Variants in FMN1 observed in about 807,000 individuals in gnomAD.
FMN1 encodes formin-1.
A neutral mutation model predicts 132.4 loss-of-function variants in FMN1; 110 were observed. The ratio of observed to expected loss-of-function variants is 0.83; its 90% confidence interval spans 0.71 to 0.97. FMN1 has a LOEUF of 0.97. FMN1 is among the 50% of genes least tolerant of loss of function. The pLI is 0.00. For missense variants in FMN1, 1,792 were observed against 1,705.3 expected, an observed-to-expected ratio of 1.05 and a Z score of -0.90; for synonymous variants, 722 against 651.7, an observed-to-expected ratio of 1.11 and a Z score of -1.64.
intron 13 of FMN1, 136 bp downstream of exon 13, chr15:32,901,775 A>T (rs1329672438): frequency 1.7e-6 from 1 of 604,502 alleles, no homozygotes; most frequent in East Asian, 3.1e-5. Flanking sequence ...GGGCAAGATA[A>T]TCATCAAATT....
At chr15:32,838,882 C>T (rs1340890248) in intron 17 of FMN1, among the ~76,000 whole-genome samples, 1 of 152,188 alleles carries the variant, frequency 6.6e-6, no homozygotes, top group African/African-American at 2.4e-5. Context: ...GAGAGCCCAG[C>T]AGTCCCCATT....
chr15:32,961,692 G>A (rs919929435), intron 9 of FMN1, among the ~76,000 whole-genome samples: 4 of 152,296 alleles, frequency 2.6e-5, no homozygotes, highest in African/African-American at 9.6e-5. Context: ...ACTATGCTGA[G>A]CCTGATACAT....
intron 4 of FMN1, among the ~76,000 whole-genome samples, chr15:33,120,651 C>G (rs1357236568): frequency 6.6e-6 from 1 of 152,010 alleles, no homozygotes; most frequent in Non-Finnish European, 1.5e-5. Context: ...TCTGGTATTC[C>G]TGGATCATTG....
chr15:33,128,771 T>A (rs568593511), intron 4 of FMN1, among the ~76,000 whole-genome samples: 2 of 152,216 alleles, frequency 1.3e-5, no homozygotes, highest in Non-Finnish European at 2.9e-5. Context: ...AAAAGTGGTA[T>A]GGACCCAAAC....
Position 32,766,294 on chromosome 15 carries a change from T to C in FMN1, c.*8016A>G, listed in dbSNP as rs1331455323. 2 of 152,230 alleles carry C rather than the reference T, an allele frequency of 1.3e-5. No individual in the cohort carries two copies. Among genetic ancestry groups the C allele is most frequent in the African/African-American group, 4.8e-5 (2 of 41,448 alleles). 9.4% of individuals were successfully genotyped at this position (152,230 alleles called of 1,614,324 possible). A position where few individuals can be genotyped will look rare whatever the true frequency, so the allele number is the denominator to read the frequency against. On this transcript the variant is annotated 3_prime_UTR_variant, in exon 21 of 21. Transcript: ENST00000616417. ...CTGATTCAGAACAGGGGTAGATGTT[T>C]GAATCATGAATAGTAGTAAGAATGG...
chr15:33,074,534 T>C (rs1428845312), intron 5 of FMN1, among the ~76,000 whole-genome samples: 4 of 152,222 alleles, frequency 2.6e-5, no homozygotes, highest in Non-Finnish European at 4.4e-5. Context: ...GTAAAATATT[T>C]ATAAGACTGG....
rs759047754 is a variant in FMN1 at position 32,964,261 on chromosome 15, A to G, written c.2988-4T>C. ...TAAGGTTGGTGTAGCATTTTGGCTTAAAAGAGAAAATGACAAGTTAACCAT... is the reference window on the plus strand; with the variant it reads ...TAAGGTTGGTGTAGCATTTTGGCTTGAAAGAGAAAATGACAAGTTAACCAT... On this transcript the variant is annotated splice_polypyrimidine_tract_variant and splice_region_variant and intron_variant, in intron 8 of 20. Coordinates refer to ENST00000616417, the MANE Select transcript of FMN1 (RefSeq NM_001277313.2). 5.1e-6 allele frequency: 8 copies of G among 1,559,636 alleles called. No homozygotes were observed. In the South Asian group the frequency reaches 8.7e-5, roughly 17 times the overall value.
intron 4 of FMN1, among the ~76,000 whole-genome samples, chr15:33,125,442 G>A (rs767407187): frequency 5.2e-5 from 4 of 76,932 alleles, no homozygotes; most frequent in East Asian, 1.4e-3. Flanking sequence ...AATATGTGTA[G>A]AAGATTATTT....
chr15:33,075,027 A>C, intron 5 of FMN1, among the ~76,000 whole-genome samples: 1 of 108,858 alleles, frequency 9.2e-6, no homozygotes, highest in Admixed American at 9.3e-5. Context: ...TCTCAAAAAA[A>C]AAAAAAAAAA....
At position 33,076,967 on chromosome 15, in the gene FMN1, G is replaced by C. The variant is rs527883633; in HGVS notation, c.2043+11832C>G. Among the ~76,000 whole-genome samples the C allele has an allele frequency of 8.5e-5, 13 of 152,284 alleles. No homozygotes were observed. The South Asian group carries it at 2.7e-3, about 32-fold the overall frequency. Reference sequence around the variant, plus strand: ...AATTCAGACATTTAAAAAGAAAACTGTTGAAACAAATGTCAATGCACTAAA... The same window carrying C: ...AATTCAGACATTTAAAAAGAAAACTCTTGAAACAAATGTCAATGCACTAAA... On this transcript the variant is annotated intron_variant, in intron 5 of 20. Transcript: ENST00000616417.
At chr15:32,841,724 G>A (rs1428991799) in intron 17 of FMN1, among the ~76,000 whole-genome samples, 2 of 152,194 alleles carry the variant, frequency 1.3e-5, no homozygotes, top group East Asian at 3.9e-4. Context: ...TAGTAACACA[G>A]AGAGTGATTC....
intron 17 of FMN1, among the ~76,000 whole-genome samples, chr15:32,822,688 T>C (rs1296927537): frequency 1.3e-5 from 2 of 152,228 alleles, no homozygotes; most frequent in Admixed American, 6.5e-5. Flanking sequence ...TGTATTTTCA[T>C]TTCTGGGAAG....
rs995255401 is a variant in FMN1, at chr15:33,097,647, CAG to C, written c.1868-8675_1868-8674del. ...GAAAAATAGTGGGGAGGAGGGCAGA[CAG>C]AGAGATAAACAGAGAACTTCCATAA... is the stretch of plus-strand genomic sequence containing the variant. On this transcript the variant is annotated intron_variant, in intron 4 of 20. Transcript: ENST00000616417. Among the ~76,000 whole-genome samples the C allele has an allele frequency of 5.3e-4, 80 of 152,212 alleles. 1 individual carries two copies. The highest frequency in any genetic ancestry group is 1.8e-3 in the African/African-American group (73 of 41,548).
intron 19 of FMN1, among the ~76,000 whole-genome samples, chr15:32,796,341 A>G (rs1163235576): frequency 6.6e-6 from 1 of 152,240 alleles, no homozygotes; most frequent in African/African-American, 2.4e-5. Context: ...TTGAGCACTT[A>G]GTTGGCCTTC....
chr15:32,805,684 G>A (rs1322289887), intron 17 of FMN1, among the ~76,000 whole-genome samples: 3 of 152,064 alleles, frequency 2.0e-5, no homozygotes, highest in Admixed American at 1.3e-4. Flanking sequence ...GGAAATCTTG[G>A]GTAGATCACG....
chr15:32,963,570 A>G (rs1248032478), intron 9 of FMN1, among the ~76,000 whole-genome samples: 1 of 152,174 alleles, frequency 6.6e-6, no homozygotes, highest in Non-Finnish European at 1.5e-5. Flanking sequence ...ATTTAATTTC[A>G]TTATTTAATA....
chr15:33,026,423 C>CACACAA (rs1566841202), intron 6 of FMN1, among the ~76,000 whole-genome samples: 2 of 151,714 alleles, frequency 1.3e-5, no homozygotes, highest in African/African-American at 4.8e-5. Context: ...CACACACACA[C>CACACAA]ACACACACAC....
intron 4 of FMN1, among the ~76,000 whole-genome samples, chr15:33,122,030 G>A (rs1288588148): frequency 6.6e-6 from 1 of 152,068 alleles, no homozygotes; most frequent in Non-Finnish European, 1.5e-5. Flanking sequence ...CTTTCAAGGA[G>A]CACAATACAG....
intron 9 of FMN1, among the ~76,000 whole-genome samples, chr15:32,939,371 G>A (rs1220592107): frequency 2.0e-5 from 3 of 151,462 alleles, no homozygotes; most frequent in African/African-American, 7.3e-5. Context: ...AATATTAAGG[G>A]GAAAAAAAGA....
Sources: gnomAD v4.1 joint callset for allele counts (sites outside exome capture counted in the v4.1 genomes callset) on GRCh38, gnomAD v4.1.1 for gene constraint, MANE v1.5 for transcripts, NCBI Gene and HGNC (gene_info 2026-07-23, HGNC 2026-07-21) for gene names.